Variants in APH1A observed in about 807,000 individuals in gnomAD.
APH1A encodes gamma-secretase subunit APH-1A.
In APH1A, 16 loss-of-function variants were observed where a neutral mutation model predicts 30.3. The observed-to-expected ratio is 0.53, with a 90% CI of 0.36 to 0.80. APH1A has a LOEUF of 0.80. Ranked by LOEUF, APH1A falls within the 30% of genes least tolerant of loss-of-function variation. The probability of loss-of-function intolerance (pLI) is 0.01; values close to 1 mark genes in which losing one functional copy is unlikely to be tolerated. For synonymous variants in APH1A, 144 were observed against 140.1 expected (o/e 1.03, Z -0.20); for missense variants, 245 against 337.8 (o/e 0.73, Z 2.15).
chr1:150,268,613 G>T, intron 1 of APH1A, 85 bp downstream of exon 1: 1 of 1,347,884 alleles, frequency 7.4e-7, no homozygotes, highest in Non-Finnish European at 1.0e-6. Flanking sequence ...CCCAATTCAG[G>T]CTCCCAGGCT....
At position 150,266,957 on chromosome 1, in the gene APH1A, C is replaced by T. The variant is rs1167824780; in HGVS notation, c.609+118G>A. The T allele has an allele frequency of 2.1e-5, 31 of 1,500,474 alleles. No individual in the cohort carries two copies. In the East Asian group the frequency reaches 6.1e-4, roughly 30 times the overall value. 92.9% of individuals were successfully genotyped at this position (1,500,474 alleles called of 1,614,324 possible). A position where few individuals can be genotyped will look rare whatever the true frequency, so the allele number is the denominator to read the frequency against. On this transcript the variant is annotated intron_variant, in intron 5 of 6. Transcript: ENST00000369109. ...AGGTGAGAGACCTTGAAAGACTCAC[C>T]TTTCCTCCTCCTCCCAGGTAAGTTA...
Position 150,266,654 on chromosome 1 carries a change from T to C in APH1A, c.612A>G (p.Thr204=), listed in dbSNP as rs1553849985. The stretch of plus-strand genomic sequence containing the variant: ...TGGCCTCATACCAGGGGTTCAGGAA[T>C]GTCTAGGAAGGAGGGTAAGAGTAGG... ...VGSHLLTSGL[T]FLNPWYEASL... Residue 204 remains threonine (T), a splice_region_variant and synonymous_variant, in exon 6 of 7, where the codon ACA becomes ACG. Coordinates refer to ENST00000369109, the MANE Select transcript of APH1A (RefSeq NM_001077628.3). 1.9e-6 allele frequency: 3 copies of C among 1,613,898 alleles called. No homozygotes were observed. The Admixed American group carries it at 5.0e-5, about 27-fold the overall frequency.
rs587721948 is a variant in APH1A, at chr1:150,265,541, A to C, written c.*589T>G. The C allele has an allele frequency of 6.6e-6, 1 of 152,454 alleles. No individual in the cohort carries two copies. Among genetic ancestry groups the C allele is most frequent in the Non-Finnish European group, 1.5e-5 (1 of 67,996 alleles). 9.4% of individuals were successfully genotyped at this position (152,454 alleles called of 1,614,324 possible). A position where few individuals can be genotyped will look rare whatever the true frequency, so the allele number is the denominator to read the frequency against. On this transcript the variant is annotated 3_prime_UTR_variant, in exon 7 of 7. Coordinates refer to ENST00000369109, the MANE Select transcript of APH1A (RefSeq NM_001077628.3). ...ACACCCCAATTAAAAACTACAAAAA[A>C]ATCTCCCCTCCTTCCCTACGATGTC...
chr1:150,267,323 G>A (rs201631567), intron 4 of APH1A, 33 bp downstream of exon 4: 10 of 1,613,728 alleles, frequency 6.2e-6, no homozygotes, highest in Non-Finnish European at 8.5e-6. Flanking sequence ...AGGATGGATG[G>A]GGGGTAAAGG....
chr1:150,267,581 C>A, intron 3 of APH1A, 103 bp from the exon 4 acceptor site: 1 of 1,584,274 alleles, frequency 6.3e-7, no homozygotes, highest in South Asian at 1.2e-5. Flanking sequence ...ATCTACTCTC[C>A]CTCCAGACCA....
chr1:150,267,454 A>G lies in APH1A; in HGVS notation c.383T>C (p.Ile128Thr). Residue 128 changes from isoleucine to threonine, a missense_variant, in exon 4 of 7, where the codon ATC (isoleucine) becomes ACC (threonine). Physicochemically the swap from Ile to Thr is moderately conservative, Grantham distance 89 (BLOSUM62 -1). Transcript: ENST00000369109. ...AYVSGLSFGI[I>T]SGVFSVINIL... ...ATTGATAACAGAGAAGACACCACTG[A>G]TGATACCGAAGGAGAGACCAGAAAC... 6.2e-7 allele frequency: 1 copy of G among 1,614,188 alleles called. No homozygotes were observed. Among genetic ancestry groups the G allele is most frequent in the Middle Eastern group, 1.6e-4 (1 of 6,062 alleles).
chr1:150,267,310 A>C, intron 4 of APH1A, 46 bp downstream of exon 4: 1 of 1,613,618 alleles, frequency 6.2e-7, no homozygotes, highest in East Asian at 2.2e-5. Flanking sequence ...CAGATCAGGG[A>C]CAAGGATGGA....
rs1651658829 is a variant in APH1A at position 150,265,946 on chromosome 1, G to C, written c.*184C>G. 1.4e-6 allele frequency: 1 copy of C among 702,926 alleles called. No individual in the cohort carries two copies. The highest frequency in any genetic ancestry group is 2.3e-6 in the Non-Finnish European group (1 of 430,900). The allele number at this position is 702,926 out of a possible 1,614,324, so 43.5% of individuals were successfully genotyped here. A position where few individuals can be genotyped will look rare whatever the true frequency, so the allele number is the denominator to read the frequency against. On this transcript the variant is annotated 3_prime_UTR_variant, in exon 7 of 7. Coordinates refer to ENST00000369109, the MANE Select transcript of APH1A (RefSeq NM_001077628.3). ...GAAAAAGACCAAGATGTCCAGTCTT[G>C]AGGGAGTACTGAGAAACTCAGAGCT...
Position 150,267,762 on chromosome 1 carries a change from C to G in APH1A, c.312G>C (p.Leu104=), listed in dbSNP as rs898750391. 1.2e-6 allele frequency: 2 copies of G among 1,612,250 alleles called. No homozygotes were observed. The highest frequency in any genetic ancestry group is 1.7e-6 in the Non-Finnish European group (2 of 1,179,742). Residue 104 remains leucine, a synonymous_variant, in exon 3 of 7, where the codon CTG becomes CTC. Coordinates refer to ENST00000369109, the MANE Select transcript of APH1A (RefSeq NM_001077628.3). The part of the protein sequence containing the change: ...LKKADEGLAS[L]SEDGRSPISI... ...AGATGGGTGATCTTCCGTCCTCACT[C>G]AGCGATGCTAACCCCTCATCTGCCT...
intron 4 of APH1A, 68 bp from the exon 5 acceptor site, chr1:150,267,270 A>G: frequency 6.2e-7 from 1 of 1,612,832 alleles, no homozygotes. Context: ...ATGTTGAGCC[A>G]AAGAAGTCTC....
chr1:150,268,729 C>T lies in APH1A; in HGVS notation c.82G>A (p.Asp28Asn). 6.2e-7 allele frequency: 1 copy of T among 1,613,554 alleles called. No homozygotes were observed. The highest frequency in any genetic ancestry group is 1.1e-5 in the South Asian group (1 of 90,986). Reference protein sequence around the residue: ...FALFLITVAGDPLRVIILVAG... With the variant: ...FALFLITVAGNPLRVIILVAG... Reference sequence around the variant, plus strand: ...ACCAGGATGATAACGCGAAGCGGGTCCCCAGCCACAGTGATCAAGAAAAGC... The same window carrying T: ...ACCAGGATGATAACGCGAAGCGGGTTCCCAGCCACAGTGATCAAGAAAAGC... Residue 28 changes from aspartate (D) to asparagine (N), a missense_variant, in exon 1 of 7, where the codon GAC (aspartate) becomes AAC (asparagine). Coordinates refer to ENST00000369109, the MANE Select transcript of APH1A (RefSeq NM_001077628.3).
At chr1:150,266,495 G>A (rs1416831614) in intron 6 of APH1A, 38 bp downstream of exon 6, 5 of 1,613,048 alleles carry the variant, frequency 3.1e-6, no homozygotes, top group Non-Finnish European at 4.2e-6. Context: ...AGGCAGGTGG[G>A]ATCTGTCAGG....
chr1:150,266,537 G>A lies in APH1A; in HGVS notation c.729C>T (p.Leu243=), dbSNP rs782671490. The change falls in exon 6 of 7, where the codon CTC becomes CTT. Residue 243 remains leucine (L), a synonymous_variant. Transcript: ENST00000369109. ...GTCCAGGTAGTCAGTCCTTACACAAGAGGCTGCGCTGAATACTTCGGAGGG... is the reference window on the plus strand; with the variant it reads ...GTCCAGGTAGTCAGTCCTTACACAAAAGGCTGCGCTGAATACTTCGGAGGG... The part of the protein sequence containing the change: ...GGSLRSIQRS[L]LCRRQEDSRV... The A allele has an allele frequency of 1.2e-6, 2 of 1,614,152 alleles. No individual in the cohort carries two copies. The highest frequency in any genetic ancestry group is 1.7e-5 in the Admixed American group (1 of 60,014).
intron 1 of APH1A, 76 bp from the exon 2 acceptor site, chr1:150,268,203 G>A: frequency 6.6e-7 from 1 of 1,523,716 alleles, no homozygotes; most frequent in Admixed American, 2.1e-5. Flanking sequence ...ACCAGCCAAA[G>A]CTGCTTGAAA....
intron 1 of APH1A, 77 bp from the exon 2 acceptor site, chr1:150,268,204 C>A: frequency 6.6e-7 from 1 of 1,520,892 alleles, no homozygotes; most frequent in South Asian, 1.2e-5. Flanking sequence ...CCAGCCAAAG[C>A]TGCTTGAAAA....
At chr1:150,267,930 C>T in intron 2 of APH1A, 27 bp downstream of exon 2, 1 of 1,613,508 alleles carries the variant, frequency 6.2e-7, no homozygotes, top group Non-Finnish European at 8.5e-7. Context: ...TTGCCCCTCT[C>T]CCCTCCAGAC....
At chr1:150,267,022 C>T (rs936371443) in intron 5 of APH1A, 53 bp downstream of exon 5, 3 of 1,607,510 alleles carry the variant, frequency 1.9e-6, no homozygotes, top group South Asian at 1.1e-5. Flanking sequence ...CCCCACATCC[C>T]ACTCACCATT....
rs1474684444 is a variant in APH1A, at chr1:150,265,800, A to C, written c.*330T>G. 7.8e-6 allele frequency: 2 copies of C among 255,372 alleles called. No homozygotes were observed. Among genetic ancestry groups the C allele is most frequent in the Non-Finnish European group, 1.5e-5 (2 of 133,812 alleles). The allele number at this position is 255,372 out of a possible 1,614,324, so 15.8% of individuals were successfully genotyped here. ...CATGAGGAGCAACTCGAGGAGAGAAAATATAGCCCAAGGAGGTTAGAAGAG... is the reference window on the plus strand; with the variant it reads ...CATGAGGAGCAACTCGAGGAGAGAACATATAGCCCAAGGAGGTTAGAAGAG... On this transcript the variant is annotated 3_prime_UTR_variant, in exon 7 of 7. Coordinates refer to ENST00000369109, the MANE Select transcript of APH1A (RefSeq NM_001077628.3).
chr1:150,266,256 A>T, intron 6 of APH1A, 62 bp from the exon 7 acceptor site: 1 of 1,552,252 alleles, frequency 6.4e-7, no homozygotes, highest in South Asian at 1.2e-5. Flanking sequence ...ACACAGGGGG[A>T]GTCCTGGACA....
Sources: allele counts gnomAD v4.1 joint callset, GRCh38; gene constraint gnomAD v4.1.1; transcripts MANE v1.5; gene names NCBI Gene and HGNC (gene_info 2026-07-23, HGNC 2026-07-21).